SULF2: variants seen among roughly 807,000 people sequenced by gnomAD.
SULF2 encodes the protein sulfatase 2.
SULF2 carries 52 observed loss-of-function variants against 107.7 expected under a neutral mutation model. That is an observed-to-expected ratio of 0.48 (90% CI 0.39 to 0.61). The LOEUF is 0.61. Among genes scored for constraint, SULF2 ranks in the 20% least tolerant of loss-of-function variants. SULF2 has a pLI of 0.00. For synonymous variants in SULF2, 460 were observed against 464.3 expected (o/e 0.99, Z 0.12); for missense variants, 993 against 1,177.3 (o/e 0.84, Z 2.29).
intron 3 of SULF2, among the ~76,000 whole-genome samples, chr20:47,722,583 A>G (rs1453325769): frequency 1.3e-5 from 2 of 152,078 alleles, no homozygotes; most frequent in African/African-American, 4.8e-5. Context: ...TTTACTGAGT[A>G]CCCAATACCT....
chr20:47,736,986 G>A lies in SULF2; in HGVS notation c.176-44C>T, dbSNP rs760695851. 10 of 1,609,290 alleles carry A rather than the reference G, an allele frequency of 6.2e-6. No homozygotes were observed. In the South Asian group the frequency reaches 7.7e-5, roughly 12 times the overall value. On this transcript the variant is annotated intron_variant, in intron 2 of 20. Coordinates refer to ENST00000688720, the MANE Select transcript of SULF2 (RefSeq NM_001387048.1). ...AGTAAGGCGCAGGGCAGGAGACCCGGGCGGCACCGGCACCAGGGGGCTCTC... is the reference window on the plus strand; with the variant it reads ...AGTAAGGCGCAGGGCAGGAGACCCGAGCGGCACCGGCACCAGGGGGCTCTC...
At chr20:47,658,464 A>G (rs1373725603) in intron 20 of SULF2, 72 bp from the exon 21 acceptor site, 5 of 1,487,714 alleles carry the variant, frequency 3.4e-6, no homozygotes, top group African/African-American at 2.8e-5. Flanking sequence ...AATCGGTCCT[A>G]TAGCTGAGGA....
intron 13 of SULF2, 46 bp downstream of exon 13, chr20:47,665,811 G>T: frequency 6.5e-7 from 1 of 1,542,560 alleles, no homozygotes; most frequent in African/African-American, 1.4e-5. Context: ...GGTCCTGCCA[G>T]GCCCGTGGTG....
intron 3 of SULF2, among the ~76,000 whole-genome samples, chr20:47,715,101 T>A (rs2089071589): frequency 6.8e-6 from 1 of 146,506 alleles, no homozygotes. Flanking sequence ...GTATTTTTTT[T>A]TTTTTTTTTT....
At chr20:47,662,009 G>T in intron 17 of SULF2, 113 bp from the exon 18 acceptor site, 3 of 1,158,112 alleles carry the variant, frequency 2.6e-6, no homozygotes, top group Non-Finnish European at 3.4e-6. Flanking sequence ...GGTGCTAGGG[G>T]CTGGTGACCT....
chr20:47,711,101 G>A (rs1387840022), intron 3 of SULF2, among the ~76,000 whole-genome samples: 1 of 152,198 alleles, frequency 6.6e-6, no homozygotes, highest in Non-Finnish European at 1.5e-5. Flanking sequence ...GGGAGACAGA[G>A]GGCTCCTGCA....
intron 6 of SULF2, among the ~76,000 whole-genome samples, chr20:47,684,189 A>G (rs2087919302): frequency 6.6e-6 from 1 of 152,254 alleles, no homozygotes; most frequent in Admixed American, 6.5e-5. Flanking sequence ...AGCAGGAAAA[A>G]ATATAACTAG....
chr20:47,707,435 G>C (rs1233596260), intron 3 of SULF2, among the ~76,000 whole-genome samples: 1 of 152,152 alleles, frequency 6.6e-6, no homozygotes, highest in Non-Finnish European at 1.5e-5. Context: ...AGAGGCTCTG[G>C]AGCGGAACTC....
At chr20:47,776,399 G>C (rs1568932623) in intron 1 of SULF2, among the ~76,000 whole-genome samples, 1 of 152,150 alleles carries the variant, frequency 6.6e-6, no homozygotes, top group Non-Finnish European at 1.5e-5. Context: ...TGTAAAACGG[G>C]GTTGGAAGAT....
At chr20:47,693,583 T>C (rs756891246) in intron 4 of SULF2, among the ~76,000 whole-genome samples, 2 of 152,220 alleles carry the variant, frequency 1.3e-5, no homozygotes, top group Non-Finnish European at 2.9e-5. Context: ...AATCTTACAA[T>C]GTTATATCGG....
At chr20:47,747,213 A>G (rs2090065442) in intron 2 of SULF2, among the ~76,000 whole-genome samples, 1 of 152,106 alleles carries the variant, frequency 6.6e-6, no homozygotes, top group African/African-American at 2.4e-5. Context: ...ACTCTTGGAC[A>G]TTACAAAATA....
chr20:47,668,856 G>C (rs1029900380), intron 11 of SULF2, among the ~76,000 whole-genome samples: 5 of 152,130 alleles, frequency 3.3e-5, no homozygotes, highest in African/African-American at 1.2e-4. Context: ...CGGCCACACC[G>C]GTCACCTCTC....
At chr20:47,737,438 A>G (rs564265142) in intron 2 of SULF2, among the ~76,000 whole-genome samples, 1 of 151,782 alleles carries the variant, frequency 6.6e-6, no homozygotes, top group South Asian at 2.1e-4. Flanking sequence ...AACTTTCCCA[A>G]TAATTGTTTG....
intron 2 of SULF2, among the ~76,000 whole-genome samples, chr20:47,748,096 C>G (rs73315772): frequency 0.016 from 2,432 of 152,274 alleles, 68 homozygotes; most frequent in African/African-American, 0.054. Context: ...ATTCTGGGGA[C>G]CTTCCATCGG....
At position 47,666,067 on chromosome 20, in the gene SULF2, G is replaced by A. The variant is rs766933490; in HGVS notation, c.1806-114C>T. The A allele has an allele frequency of 3.4e-5, 55 of 1,594,960 alleles. No individual in the cohort carries two copies. In the Admixed American group the frequency reaches 5.0e-4, roughly 15 times the overall value. ...GGTCTGTCCTGTCCCCTTCACCCTC[G>A]ACTTCCACCTGGACACTCACCGATG... On this transcript the variant is annotated intron_variant, in intron 12 of 20. Transcript: ENST00000688720. This position sits in a 1 kb window ranked among gnomAD's most constrained non-coding sequence, Gnocchi z 5.4.
Position 47,746,978 on chromosome 20 carries a change from T to TAAA in SULF2, c.176-10039_176-10037dup, listed in dbSNP as rs1555853776. Reference sequence around the variant, plus strand: ...GTGCACATGTACCCTAGAACTTAAATAAATAAAAAAAAAAAAATATATATA... The same window carrying TAAA: ...GTGCACATGTACCCTAGAACTTAAATAAAAAATAAAAAAAAAAAAATATATATA... On this transcript the variant is annotated intron_variant, in intron 2 of 20. Transcript: ENST00000688720. Among the ~76,000 whole-genome samples the TAAA allele has an allele frequency of 5.5e-4, 28 of 51,190 alleles. 1 individual carries two copies. Among genetic ancestry groups the TAAA allele is most frequent in the African/African-American group, 1.4e-3 (20 of 14,486 alleles). 33.6% of individuals were successfully genotyped at this position (51,190 alleles called of 152,430 possible). A position where few individuals can be genotyped will look rare whatever the true frequency, so the allele number is the denominator to read the frequency against.
intron 1 of SULF2, among the ~76,000 whole-genome samples, chr20:47,780,700 A>G (rs1014119444): frequency 2.6e-5 from 4 of 152,054 alleles, no homozygotes; most frequent in Admixed American, 2.6e-4. Context: ...ATTACAGGCA[A>G]GCACCATCAC....
At chr20:47,718,473 A>T (rs1482665760) in intron 3 of SULF2, among the ~76,000 whole-genome samples, 2 of 152,098 alleles carry the variant, frequency 1.3e-5, no homozygotes, top group African/African-American at 4.8e-5. Flanking sequence ...GCAGCAAAAA[A>T]CCTGCATCTT....
chr20:47,672,298 G>A lies in SULF2; in HGVS notation c.1476C>T (p.Leu492=), dbSNP rs753941374. 57 of 1,613,346 alleles carry A rather than the reference G, an allele frequency of 3.5e-5. No individual in the cohort carries two copies. The highest frequency in any genetic ancestry group is 2.5e-4 in the Admixed American group (15 of 60,000). The change falls in exon 11 of 21, where the codon CTC becomes CTT. Residue 492 remains leucine, a synonymous_variant. Coordinates refer to ENST00000688720, the MANE Select transcript of SULF2 (RefSeq NM_001387048.1). The part of the protein sequence containing the change: ...RLGGSRALSN[L]VPKYYGQGSE... ...TGCCCTGCCCGTAGTACTTGGGCAC[G>A]AGGTTGGAGAGGGCTCTGCTGCCGC...
Sources: allele counts gnomAD v4.1 joint callset (sites outside exome capture counted in the v4.1 genomes callset), GRCh38; gene constraint gnomAD v4.1.1; non-coding constraint Gnocchi (gnomAD v3.1); transcripts MANE v1.5; gene names NCBI Gene and HGNC (gene_info 2026-07-23, HGNC 2026-07-21).